The following GABBR2 variants were observed in gnomAD, a reference collection of about 807,000 sequenced individuals.
GABBR2 encodes gamma-aminobutyric acid type B receptor subunit 2, also known as G-protein coupled receptor 51.
In GABBR2, 23 loss-of-function variants were observed where a neutral mutation model predicts 105.6. The observed-to-expected ratio is 0.22, with a 90% confidence interval of 0.16 to 0.31. The LOEUF (loss-of-function observed/expected upper bound fraction) is 0.31, where lower values mean the gene tolerates loss of function less well. GABBR2 is among the 10% of genes least tolerant of loss of function. The pLI is 1.00. For missense variants in GABBR2, 734 were observed against 1,245.5 expected, an observed-to-expected ratio of 0.59 and a Z score of 6.18; for synonymous variants, 478 against 499.7, an observed-to-expected ratio of 0.96 and a Z score of 0.58.
At chr9:98,384,969 G>GA (rs1832045288) in intron 11 of GABBR2, among the ~76,000 whole-genome samples, 1 of 152,072 alleles carries the variant, frequency 6.6e-6, no homozygotes, top group Non-Finnish European at 1.5e-5. Context: ...CACTTAAATA[G>GA]AAAATAACAA....
intron 6 of GABBR2, among the ~76,000 whole-genome samples, chr9:98,462,346 C>T (rs984561701): frequency 3.9e-5 from 6 of 151,954 alleles, no homozygotes; most frequent in Non-Finnish European, 5.9e-5. Flanking sequence ...CAAAATACAT[C>T]GAGAGTGAAA....
intron 7 of GABBR2, among the ~76,000 whole-genome samples, chr9:98,436,056 CT>C (rs1413637912): frequency 6.6e-6 from 1 of 151,408 alleles, no homozygotes; most frequent in Non-Finnish European, 1.5e-5. Flanking sequence ...GCCGCCACCC[CT>C]ATCCTCCTCA....
At chr9:98,536,607 T>C (rs1407826334) in intron 3 of GABBR2, among the ~76,000 whole-genome samples, 1 of 152,066 alleles carries the variant, frequency 6.6e-6, no homozygotes, top group Non-Finnish European at 1.5e-5. Context: ...CACTCTGGCC[T>C]CTCAGCTCCT....
chr9:98,436,377 A>ATATATG (rs1825921522), intron 7 of GABBR2, among the ~76,000 whole-genome samples: 1 of 51,212 alleles, frequency 2.0e-5, no homozygotes, highest in Non-Finnish European at 3.4e-5. Context: ...ATATATATAT[A>ATATATG]TATATATATA....
chr9:98,299,504 G>A lies in GABBR2; in HGVS notation c.2413-151C>T. 5.2e-6 allele frequency: 4 copies of A among 766,774 alleles called. No homozygotes were observed. The East Asian group carries it at 9.8e-5, about 19-fold the overall frequency. The allele number at this position is 766,774 out of a possible 1,614,324, so 47.5% of individuals were successfully genotyped here. On this transcript the variant is annotated intron_variant, in intron 16 of 18. Coordinates refer to ENST00000259455, the MANE Select transcript of GABBR2 (RefSeq NM_005458.8). The stretch of plus-strand genomic sequence containing the variant: ...AGGGGTTACTGCATTTTGGTGAGGA[G>A]ATGCAGAAGGATCCTGGCGGCTCTT...
Position 98,564,586 on chromosome 9 carries a change from T to C in GABBR2, c.459+13349A>G, listed in dbSNP as rs536018524. On this transcript the variant is annotated intron_variant, in intron 2 of 18. Transcript: ENST00000259455. ...AGCCTCTTAGGGTTGGCATGTGAAGTGAATGAGTTAATTTATGCACAGTGT... is the reference window on the plus strand; with the variant it reads ...AGCCTCTTAGGGTTGGCATGTGAAGCGAATGAGTTAATTTATGCACAGTGT... Among the ~76,000 whole-genome samples, 21 of 152,220 alleles carry C rather than the reference T, an allele frequency of 1.4e-4. 1 individual carries two copies. The South Asian group carries it at 4.2e-3, about 30-fold the overall frequency.
chr9:98,542,096 A>T (rs2131740762), intron 2 of GABBR2, 53 bp from the exon 3 acceptor site: 1 of 1,484,672 alleles, frequency 6.7e-7, no homozygotes, highest in East Asian at 2.3e-5. Flanking sequence ...CACAGCTGTG[A>T]CCCAGCATCT....
intron 1 of GABBR2, among the ~76,000 whole-genome samples, chr9:98,619,281 A>T (rs1240569769): frequency 6.6e-6 from 1 of 152,042 alleles, no homozygotes; most frequent in African/African-American, 2.4e-5. Context: ...CTGCCCCAGA[A>T]AAAATTTATT....
chr9:98,343,483 A>T (rs1490535087), intron 13 of GABBR2, among the ~76,000 whole-genome samples: 1 of 152,148 alleles, frequency 6.6e-6, no homozygotes, highest in South Asian at 2.1e-4. Context: ...GAAAAAATGA[A>T]CAACCCTCCA....
intron 7 of GABBR2, among the ~76,000 whole-genome samples, chr9:98,450,343 C>T (rs1284176747): frequency 6.6e-6 from 1 of 152,140 alleles, no homozygotes; most frequent in Non-Finnish European, 1.5e-5. Context: ...CACAGAGACA[C>T]TTTTTATTTT....
intron 1 of GABBR2, among the ~76,000 whole-genome samples, chr9:98,666,801 C>T (rs1014956444): frequency 2.0e-5 from 3 of 152,230 alleles, no homozygotes; most frequent in African/African-American, 7.2e-5. Context: ...TACCATTAAT[C>T]TTTCAGCTAC....
At chr9:98,405,177 T>C (rs1832468136) in intron 8 of GABBR2, among the ~76,000 whole-genome samples, 1 of 152,104 alleles carries the variant, frequency 6.6e-6, no homozygotes, top group African/African-American at 2.4e-5. Context: ...ATGTCGATAA[T>C]GATTGAAACT....
intron 7 of GABBR2, among the ~76,000 whole-genome samples, chr9:98,425,072 A>C (rs1489495735): frequency 6.6e-6 from 1 of 152,078 alleles, no homozygotes; most frequent in Non-Finnish European, 1.5e-5. Flanking sequence ...AATGAAAAGG[A>C]AGAAAAAAGA....
At chr9:98,331,767 G>C (rs763253571) in intron 13 of GABBR2, among the ~76,000 whole-genome samples, 9 of 152,216 alleles carry the variant, frequency 5.9e-5, no homozygotes, top group Non-Finnish European at 1.0e-4. Flanking sequence ...GTGTGGGTGG[G>C]GCAGAGAGCG....
At chr9:98,348,648 C>T (rs1265396478) in intron 13 of GABBR2, among the ~76,000 whole-genome samples, 3 of 152,152 alleles carry the variant, frequency 2.0e-5, no homozygotes, top group Admixed American at 1.3e-4. Flanking sequence ...AGGTCTTTCA[C>T]TTCCTTGGTC....
chr9:98,532,535 G>T (rs1205962558), intron 3 of GABBR2, among the ~76,000 whole-genome samples: 1 of 152,202 alleles, frequency 6.6e-6, no homozygotes, highest in East Asian at 1.9e-4. Flanking sequence ...GATGCCAAGG[G>T]CAGAGCTCAG....
chr9:98,647,879 C>CTCATATATAAGAATGAATATAT (rs1830047357), intron 1 of GABBR2, among the ~76,000 whole-genome samples: 1 of 151,932 alleles, frequency 6.6e-6, no homozygotes, highest in Non-Finnish European at 1.5e-5. Context: ...GCCAGTTATT[C>CTCATATATAAGAATGAATATAT]AAGTACAATT....
chr9:98,588,828 A>G (rs994925822), intron 1 of GABBR2, among the ~76,000 whole-genome samples: 3 of 152,210 alleles, frequency 2.0e-5, no homozygotes, highest in Admixed American at 6.5e-5. Flanking sequence ...GTTGGCCTGT[A>G]AAACCATTCC....
chr9:98,698,963 C>G (rs543991501), intron 1 of GABBR2, among the ~76,000 whole-genome samples: 9 of 152,230 alleles, frequency 5.9e-5, no homozygotes, highest in African/African-American at 2.2e-4. Context: ...CTGGAAGAAG[C>G]CTTGCTATTA....
Sources: allele counts gnomAD v4.1 joint callset (sites outside exome capture counted in the v4.1 genomes callset), GRCh38; gene constraint gnomAD v4.1.1; transcripts MANE v1.5; gene names NCBI Gene and HGNC (gene_info 2026-07-23, HGNC 2026-07-21).